GFI1: variants seen among roughly 807,000 people sequenced by gnomAD.
GFI1 encodes growth factor independent 1 transcriptional repressor, also known as zinc finger protein Gfi-1.
A neutral mutation model predicts 39.2 loss-of-function variants in GFI1; 15 were observed. The observed-to-expected ratio is 0.38, with a 90% CI of 0.26 to 0.59. The LOEUF (loss-of-function observed/expected upper bound fraction) is 0.59, where lower values mean the gene tolerates loss of function less well. Ranked by LOEUF, GFI1 falls within the 20% of genes least tolerant of loss-of-function variation. The pLI, the probability that GFI1 is intolerant of heterozygous loss-of-function variation, is 0.62. For missense variants in GFI1, 475 were observed against 574.0 expected, an observed-to-expected ratio of 0.83 and a Z score of 1.76; for synonymous variants, 239 against 254.3, an observed-to-expected ratio of 0.94 and a Z score of 0.57.
In GFI1 at chr1:92,483,040, G is replaced by A. The variant is rs761349100; in HGVS notation, c.122C>T (p.Thr41Ile). The A allele has an allele frequency of 6.3e-7, 1 of 1,591,472 alleles. No individual in the cohort carries two copies. Among genetic ancestry groups the A allele is most frequent in the Non-Finnish European group, 8.5e-7 (1 of 1,171,082 alleles). Residue 41 changes from threonine to isoleucine, a missense_variant, in exon 3 of 7, where the codon ACT (threonine) becomes ATT (isoleucine). Physicochemically the swap from Thr to Ile is moderately conservative, Grantham distance 89 (BLOSUM62 -1). Around this residue, in one of 4 missense-constraint regions of GFI1, gnomAD observed 275 missense variants for 275.8 expected, o/e 1.00. Coordinates refer to ENST00000294702, the MANE Select transcript of GFI1 (RefSeq NM_005263.5). The stretch of plus-strand genomic sequence containing the variant: ...CGCCTTCGCCCCGCCTGCATTTGAA[G>A]TGCTGTCTGCAAAGAGGAGGCAGGT... ...NVPAPSRADS[T>I]SNAGGAKAEP...
rs1657853646 is a variant in GFI1, at chr1:92,474,194, T to A, written c.*1835A>T. Among the ~76,000 whole-genome samples, 2 of 152,206 alleles carry A rather than the reference T, an allele frequency of 1.3e-5. No homozygotes were observed. The highest frequency in any genetic ancestry group is 1.3e-4 in the Admixed American group (2 of 15,282). Reference sequence around the variant, plus strand: ...TGGGCCTTTAGATTTGTGACTTGCATTAGGGGAGGCAGCTAACCAATCTCA... The same window carrying A: ...TGGGCCTTTAGATTTGTGACTTGCAATAGGGGAGGCAGCTAACCAATCTCA... On this transcript the variant is annotated 3_prime_UTR_variant, in exon 7 of 7. Transcript: ENST00000294702.
chr1:92,477,231 T>C (rs1160612093), intron 6 of GFI1, among the ~76,000 whole-genome samples: 2 of 152,214 alleles, frequency 1.3e-5, no homozygotes, highest in African/African-American at 4.8e-5. Flanking sequence ...AGAAAACAAA[T>C]TCTAGGTATA....
chr1:92,479,951 G>GCCTTTTCAGT (rs1658144412), intron 5 of GFI1, among the ~76,000 whole-genome samples: 1 of 152,116 alleles, frequency 6.6e-6, no homozygotes, highest in Admixed American at 6.5e-5. Context: ...TGAGATTCCT[G>GCCTTTTCAGT]CCTTTTCAGT....
rs932988421 is a variant in GFI1, at chr1:92,474,193, A to T, written c.*1836T>A. Among the ~76,000 whole-genome samples the T allele has an allele frequency of 6.6e-6, 1 of 152,240 alleles. No individual in the cohort carries two copies. Among genetic ancestry groups the T allele is most frequent in the African/African-American group, 2.4e-5 (1 of 41,472 alleles). Reference sequence around the variant, plus strand: ...ATGGGCCTTTAGATTTGTGACTTGCATTAGGGGAGGCAGCTAACCAATCTC... The same window carrying T: ...ATGGGCCTTTAGATTTGTGACTTGCTTTAGGGGAGGCAGCTAACCAATCTC... On this transcript the variant is annotated 3_prime_UTR_variant, in exon 7 of 7. Coordinates refer to ENST00000294702, the MANE Select transcript of GFI1 (RefSeq NM_005263.5).
rs1427403706 is a variant in GFI1 at position 92,475,742 on chromosome 1, C to T, written c.*287G>A. On this transcript the variant is annotated 3_prime_UTR_variant, in exon 7 of 7. Coordinates refer to ENST00000294702, the MANE Select transcript of GFI1 (RefSeq NM_005263.5). ...GGGGTCTAAGATTTATTCTGGTCCC[C>T]ATTTGACTTTGCCTTTGTCTTCAGG... 3 of 467,456 alleles carry T rather than the reference C, an allele frequency of 6.4e-6. No individual in the cohort carries two copies. Among genetic ancestry groups the T allele is most frequent in the African/African-American group, 5.9e-5 (3 of 50,764 alleles). The allele number at this position is 467,456 out of a possible 1,614,324, so 29.0% of individuals were successfully genotyped here. A position where few individuals can be genotyped will look rare whatever the true frequency, so the allele number is the denominator to read the frequency against.
rs1433354142 is a variant in GFI1, at chr1:92,474,918, T to C, written c.*1111A>G. On this transcript the variant is annotated 3_prime_UTR_variant, in exon 7 of 7. Transcript: ENST00000294702. Reference sequence around the variant, plus strand: ...ATGGTACACATGGAGGGTCAAAGAGTTGAAGACAGAGCCTTCCTTCCCACA... The same window carrying C: ...ATGGTACACATGGAGGGTCAAAGAGCTGAAGACAGAGCCTTCCTTCCCACA... The C allele has an allele frequency of 2.6e-5, 4 of 152,242 alleles. No individual in the cohort carries two copies. Among genetic ancestry groups the C allele is most frequent in the African/African-American group, 7.3e-5 (3 of 41,366 alleles). 9.4% of individuals were successfully genotyped at this position (152,242 alleles called of 1,614,324 possible). A position where few individuals can be genotyped will look rare whatever the true frequency, so the allele number is the denominator to read the frequency against.
rs1571213211 is a variant in GFI1 at position 92,478,756 on chromosome 1, G to GGAGAGA, written c.925-4_925-3insTCTCTC. On this transcript the variant is annotated splice_polypyrimidine_tract_variant and splice_region_variant and intron_variant, in intron 5 of 6. Coordinates refer to ENST00000294702, the MANE Select transcript of GFI1 (RefSeq NM_005263.5). The stretch of plus-strand genomic sequence containing the variant: ...ATCTTACAGTCAAAGCTCCGTTCCT[G>GGAGAGA]CAGAGAGAGAGAGAGAGAGAGAGAG... 1.9e-6 allele frequency: 2 copies of GGAGAGA among 1,040,100 alleles called. No individual in the cohort carries two copies. Among genetic ancestry groups the GGAGAGA allele is most frequent in the East Asian group, 3.8e-5 (1 of 25,986 alleles). 64.4% of individuals were successfully genotyped at this position (1,040,100 alleles called of 1,614,324 possible).
chr1:92,476,910 G>C (rs1449400158), intron 6 of GFI1, among the ~76,000 whole-genome samples: 1 of 152,092 alleles, frequency 6.6e-6, no homozygotes, highest in Non-Finnish European at 1.5e-5. Flanking sequence ...AATTTTATGG[G>C]GTTAATCACA....
At chr1:92,486,173 T>A (rs923483491) in intron 1 of GFI1, 5 of 151,424 alleles carry the variant, frequency 3.3e-5, no homozygotes, top group African/African-American at 1.2e-4. Flanking sequence ...CGTTACTGAG[T>A]CGCTCGCATA....
rs1347680828 is a variant in GFI1 at position 92,481,112 on chromosome 1, C to T, written c.299-24G>A. 6.3e-7 allele frequency: 1 copy of T among 1,598,276 alleles called. No individual in the cohort carries two copies. The highest frequency in any genetic ancestry group is 1.1e-5 in the South Asian group (1 of 89,776). The stretch of plus-strand genomic sequence containing the variant: ...GGCTGTGGAGGCACAAGGGGAGCGT[C>T]CGGTCAGGCTTCAGACGGCAGAGCG... On this transcript the variant is annotated intron_variant, in intron 3 of 6. Coordinates refer to ENST00000294702, the MANE Select transcript of GFI1 (RefSeq NM_005263.5). The surrounding 1 kb of genome is among the most constrained non-coding windows in gnomAD (Gnocchi z 4.3).
Position 92,476,006 on chromosome 1 carries a change from C to A in GFI1, c.*23G>T. ...TGCCCTCTGTAGTGTTGTGTAGCTG[C>A]TGCTTGCAGCCAGCCAGGGTGCTCA... On this transcript the variant is annotated 3_prime_UTR_variant, in exon 7 of 7. Transcript: ENST00000294702. 6.2e-7 allele frequency: 1 copy of A among 1,611,512 alleles called. No homozygotes were observed. The highest frequency in any genetic ancestry group is 1.3e-5 in the African/African-American group (1 of 75,008).
Position 92,483,416 on chromosome 1 carries a change from G to T in GFI1, c.72C>A (p.Asp24Glu), listed in dbSNP as rs1263027307. The T allele has an allele frequency of 6.2e-7, 1 of 1,613,360 alleles. No individual in the cohort carries two copies. Among genetic ancestry groups the T allele is most frequent in the South Asian group, 1.1e-5 (1 of 91,050 alleles). Residue 24 changes from aspartate to glutamate, a missense_variant, in exon 2 of 7, where the codon GAC becomes GAA. Physicochemically the swap from Asp to Glu is conservative, Grantham distance 45. Coordinates refer to ENST00000294702, the MANE Select transcript of GFI1 (RefSeq NM_005263.5). ...GTACATTCTCTAAACGGAGGGAATAGTCTGGTCCTGGGGAGCGCGGCTGGT... is the reference window on the plus strand; with the variant it reads ...GTACATTCTCTAAACGGAGGGAATATTCTGGTCCTGGGGAGCGCGGCTGGT... ...SYHQPRSPGP[D>E]YSLRLENVPA...
chr1:92,480,985 G>T lies in GFI1; in HGVS notation c.402C>A (p.His134Gln). 1 of 1,606,664 alleles carries T rather than the reference G, an allele frequency of 6.2e-7. No homozygotes were observed. The highest frequency in any genetic ancestry group is 1.3e-5 in the African/African-American group (1 of 74,904). ...CACACGGTCGGTAGCTCTGCACCAG[G>T]TGCCGCAGGTCAGAACCCGCCAGGC... ...WSGLAGSDLR[H>Q]LVQSYRPCGA... Residue 134 changes from histidine (H) to glutamine (Q), a missense_variant, in exon 4 of 7, where the codon CAC (histidine) becomes CAA (glutamine). Around this residue, in one of 4 missense-constraint regions of GFI1, gnomAD observed 275 missense variants for 275.8 expected, o/e 1.00. Transcript: ENST00000294702. This position sits in a 1 kb window ranked among gnomAD's most constrained non-coding sequence, Gnocchi z 5.6.
chr1:92,480,619 C>T lies in GFI1; in HGVS notation c.768G>A (p.Lys256=). 4 of 1,568,212 alleles carry T rather than the reference C, an allele frequency of 2.6e-6. No individual in the cohort carries two copies. The highest frequency in any genetic ancestry group is 2.3e-5 in the South Asian group (2 of 86,306). Residue 256 remains lysine (K), a synonymous_variant, in exon 4 of 7, where the codon AAG becomes AAA. Transcript: ENST00000294702. The surrounding 1 kb of genome is among the most constrained non-coding windows in gnomAD (Gnocchi z 5.6). ...TRLLLGGGSY[K]CIKCSKVFST... is the part of the protein sequence containing the mutation. The stretch of plus-strand genomic sequence containing the variant: ...GCCTCACCTTGCTGCACTTGATGCA[C>T]TTGTAGGAGCCGCCGCCCAGCAGCA...
At chr1:92,483,301 G>A (rs1398624594) in intron 2 of GFI1, 72 bp downstream of exon 2, 21 of 874,302 alleles carry the variant, frequency 2.4e-5, no homozygotes, top group Non-Finnish European at 3.2e-5. Context: ...TCCCAGCTCC[G>A]GACTAATGGT....
intron 6 of GFI1, 21 bp from the exon 7 acceptor site, chr1:92,476,228 G>A (rs1230616473): frequency 6.2e-7 from 1 of 1,602,872 alleles, no homozygotes; most frequent in Non-Finnish European, 8.5e-7. Context: ...GGGAGGGGGA[G>A]GGGAGAAAGT....
At position 92,478,511 on chromosome 1, in the gene GFI1, T is replaced by G. The variant is rs1482006937; in HGVS notation, c.1090+77A>C. The G allele has an allele frequency of 3.1e-6, 4 of 1,300,598 alleles. No individual in the cohort carries two copies. In the African/African-American group the frequency reaches 4.4e-5, roughly 14 times the overall value. 80.6% of individuals were successfully genotyped at this position (1,300,598 alleles called of 1,614,324 possible). ...CAGAAAGGCCTCATCCACCACTCAC[T>G]GGGGCCAGAAATCAGAGAAGATGAG... On this transcript the variant is annotated intron_variant, in intron 6 of 6. Coordinates refer to ENST00000294702, the MANE Select transcript of GFI1 (RefSeq NM_005263.5).
In GFI1 at chr1:92,473,423, T is replaced by C. The variant is rs1323952036; in HGVS notation, c.*2606A>G. Among the ~76,000 whole-genome samples the C allele has an allele frequency of 6.6e-6, 1 of 152,186 alleles. No homozygotes were observed. The highest frequency in any genetic ancestry group is 1.5e-5 in the Non-Finnish European group (1 of 68,036). ...TCTGTGGGAAGGATGTTTTTGTCATTTTCATTCACTGGGAGGATTGTCTCC... is the reference window on the plus strand; with the variant it reads ...TCTGTGGGAAGGATGTTTTTGTCATCTTCATTCACTGGGAGGATTGTCTCC... On this transcript the variant is annotated 3_prime_UTR_variant, in exon 7 of 7. Transcript: ENST00000294702.
rs1658293708 is a variant in GFI1, at chr1:92,482,249, G to C, written c.298+615C>G. ...TCATTCCTTCCCCCGGCCGGGACTC[G>C]AGACGCCCCCACCCAACGTGTGGTC... On this transcript the variant is annotated intron_variant, in intron 3 of 6. Coordinates refer to ENST00000294702, the MANE Select transcript of GFI1 (RefSeq NM_005263.5). This position sits in a 1 kb window ranked among gnomAD's most constrained non-coding sequence, Gnocchi z 4.4. Among the ~76,000 whole-genome samples the C allele has an allele frequency of 6.6e-6, 1 of 152,130 alleles. No individual in the cohort carries two copies. The highest frequency in any genetic ancestry group is 2.1e-4 in the South Asian group (1 of 4,824).
Sources: gnomAD v4.1 joint callset for allele counts (sites outside exome capture counted in the v4.1 genomes callset) on GRCh38, gnomAD v4.1.1 for gene constraint, gnomAD v4.1.1 regional missense constraint, Gnocchi (gnomAD v3.1) non-coding constraint, MANE v1.5 for transcripts, NCBI Gene and HGNC (gene_info 2026-07-23, HGNC 2026-07-21) for gene names.